The following NTRK1 variants were observed in gnomAD, a reference collection of about 807,000 sequenced individuals.
NTRK1 encodes neurotrophic receptor tyrosine kinase 1.
Under a neutral mutation model 86.8 loss-of-function variants are expected in NTRK1, and 62 were observed. The ratio of observed to expected loss-of-function variants is 0.71; its 90% CI spans 0.58 to 0.88. The LOEUF (loss-of-function observed/expected upper bound fraction) is 0.88. NTRK1 is among the 40% of genes least tolerant of loss of function. The pLI is 0.00. For synonymous variants in NTRK1, 469 were observed against 456.6 expected, an observed-to-expected ratio of 1.03 and a Z score of -0.35; for missense variants, 967 against 1,078.4, an observed-to-expected ratio of 0.90 and a Z score of 1.45.
At chr1:156,879,410 A>T (rs2102925585) in intron 15 of NTRK1, 48 bp downstream of exon 15, 1 of 1,568,470 alleles carries the variant, frequency 6.4e-7, no homozygotes, top group Non-Finnish European at 8.6e-7. Flanking sequence ...CAAACTGTAG[A>T]CACCCTGGAT....
chr1:156,819,461 T>G (rs1654121959), intron 1 of NTRK1, among the ~76,000 whole-genome samples: 1 of 152,160 alleles, frequency 6.6e-6, no homozygotes, highest in Non-Finnish European at 1.5e-5. Context: ...TTTTGAGAAA[T>G]GTCTATTCAT....
chr1:156,851,437 A>G, intron 2 of NTRK1: 3 of 1,614,122 alleles, frequency 1.9e-6, no homozygotes, highest in Non-Finnish European at 2.5e-6. Context: ...CAGGTTGTCT[A>G]GGGATGGGAA....
In NTRK1 at chr1:156,854,091, T is replaced by G; in HGVS notation, c.51-10263T>G. On this transcript the variant is annotated intron_variant, in intron 2 of 16. Coordinates refer to the NTRK1 transcript ENST00000392302. The surrounding 1 kb of genome is among the most constrained non-coding windows in gnomAD (Gnocchi z 4.2). ...CGCGTCCCGCGGATGACTGCTAGGT[T>G]GGGGAAGAGGTCGCGCAGGCTCTCC... 6.2e-7 allele frequency: 1 copy of G among 1,614,116 alleles called. No homozygotes were observed. Among genetic ancestry groups the G allele is most frequent in the South Asian group, 1.1e-5 (1 of 91,090 alleles).
At position 156,868,542 on chromosome 1, in the gene NTRK1, G is replaced by A. The variant is rs114320051; in HGVS notation, c.612G>A (p.Ser204=). The A allele has an allele frequency of 5.3e-4, 822 of 1,558,648 alleles. 4 individuals carry two copies. The African/African-American group carries it at 7.6e-3, about 14-fold the overall frequency. The stretch of plus-strand genomic sequence containing the variant: ...TGAAGGTCCAGGTGCCCAATGCCTC[G>A]GTGGATGTGGGGGACGACGTGCTGC... ...PTLKVQVPNA[S]VDVGDDVLLR... Residue 204 remains serine (S), a synonymous_variant, in exon 6 of 17, where the codon TCG becomes TCA. Transcript: ENST00000524377.
chr1:156,825,467 C>T lies in NTRK1; in HGVS notation c.-64+9629C>T, dbSNP rs116623723. Reference sequence around the variant, plus strand: ...TCCAATATAGCAAGAATAATATGCACGGTGGATCATACAGATAGAGTTATT... The same window carrying T: ...TCCAATATAGCAAGAATAATATGCATGGTGGATCATACAGATAGAGTTATT... On this transcript the variant is annotated intron_variant, in intron 1 of 16. Transcript: ENST00000392302. 2.3e-3 allele frequency among the ~76,000 whole-genome samples: 348 copies of T among 152,220 alleles called. 4 individuals are homozygous for T. Among genetic ancestry groups the T allele is most frequent in the African/African-American group, 8.1e-3 (336 of 41,534 alleles).
chr1:156,833,015 C>A (rs965356568), intron 1 of NTRK1, among the ~76,000 whole-genome samples: 10 of 152,356 alleles, frequency 6.6e-5, no homozygotes, highest in African/African-American at 2.2e-4. Flanking sequence ...TGGGGCCATA[C>A]AGACACCATC....
In NTRK1 at chr1:156,844,837, G is replaced by A. The variant is rs764703861; in HGVS notation, c.50+2644G>A. ...GGCCACCTTTCCTGGAATACCATCA[G>A]CCTCTCCTGCGGGAAGGGGCATCCA... On this transcript the variant is annotated intron_variant, in intron 2 of 16. Coordinates refer to the NTRK1 transcript ENST00000392302. 4.3e-6 allele frequency: 7 copies of A among 1,613,904 alleles called. No homozygotes were observed. The South Asian group carries it at 6.6e-5, about 15-fold the overall frequency.
intron 14 of NTRK1, among the ~76,000 whole-genome samples, chr1:156,878,476 G>T (rs888865615): frequency 6.6e-6 from 1 of 152,204 alleles, no homozygotes; most frequent in East Asian, 1.9e-4. Flanking sequence ...TTTAACAAAT[G>T]CCTCAACTAA....
In NTRK1 at chr1:156,838,745, C is replaced by T. The variant is rs563937234; in HGVS notation, c.-63-3336C>T. On this transcript the variant is annotated intron_variant, in intron 1 of 16. Coordinates refer to the NTRK1 transcript ENST00000392302. ...ACCTGCCCATCTTTGCAGGTGCAGC[C>T]GCGATGGCATATTTCTGAAGCCCTC... 2.0e-5 allele frequency among the ~76,000 whole-genome samples: 3 copies of T among 152,372 alleles called. No individual in the cohort carries two copies. The South Asian group carries it at 6.2e-4, about 32-fold the overall frequency.
At chr1:156,880,273 C>T in intron 16 of NTRK1, 116 bp downstream of exon 16, 5 of 1,107,936 alleles carry the variant, frequency 4.5e-6, no homozygotes, top group Non-Finnish European at 6.6e-6. Flanking sequence ...TGTTGGGGGG[C>T]CCTTTCCAGC....
chr1:156,880,647 C>T (rs1005467473), intron 16 of NTRK1: 1 of 160,062 alleles, frequency 6.2e-6, no homozygotes, highest in African/African-American at 2.4e-5. Context: ...GCCCCCACCC[C>T]CTGCTTGGCT....
chr1:156,867,024 G>A lies in NTRK1; in HGVS notation c.428+46G>A, dbSNP rs767492284. The stretch of plus-strand genomic sequence containing the variant: ...GGGCAAGAGCACCAAGTGTGTGTGT[G>A]CCTGTGTGCACTTGGGTCTGTTGGA... On this transcript the variant is annotated intron_variant, in intron 4 of 16. Coordinates refer to ENST00000524377, the MANE Select transcript of NTRK1 (RefSeq NM_002529.4). The A allele has an allele frequency of 8.8e-6, 14 of 1,589,926 alleles. No homozygotes were observed. The East Asian group carries it at 2.9e-4, about 33-fold the overall frequency.
intron 1 of NTRK1, among the ~76,000 whole-genome samples, chr1:156,826,219 C>G (rs1571641984): frequency 6.6e-6 from 1 of 150,932 alleles, no homozygotes; most frequent in Non-Finnish European, 1.5e-5. Flanking sequence ...CTGAGAAGAC[C>G]CTTTTCAAAC....
At chr1:156,830,988 C>A (rs1315995207) in intron 1 of NTRK1, among the ~76,000 whole-genome samples, 1 of 152,214 alleles carries the variant, frequency 6.6e-6, no homozygotes, top group African/African-American at 2.4e-5. Flanking sequence ...CTGACTAGGG[C>A]TGAGGGTCAG....
At chr1:156,834,309 T>G (rs1316347725) in intron 1 of NTRK1, among the ~76,000 whole-genome samples, 2 of 151,964 alleles carry the variant, frequency 1.3e-5, no homozygotes, top group Admixed American at 6.6e-5. Context: ...AGCTGGCAGA[T>G]AGGGAAGAGT....
chr1:156,831,107 G>C (rs1289939074), intron 1 of NTRK1, among the ~76,000 whole-genome samples: 1 of 152,196 alleles, frequency 6.6e-6, no homozygotes, highest in African/African-American at 2.4e-5. Flanking sequence ...TTACGTCCTA[G>C]AGAGGAGGGG....
Position 156,864,530 on chromosome 1 carries a change from G to A in NTRK1, c.287+102G>A. On this transcript the variant is annotated intron_variant, in intron 2 of 16. Transcript: ENST00000524377. ...CATCCGAGGGCCTGGGAGGACCTGA[G>A]AGGCTGAGCACTGAGGGACTGGGAG... The A allele has an allele frequency of 6.9e-6, 9 of 1,304,156 alleles. No homozygotes were observed. The South Asian group carries it at 1.1e-4, about 16-fold the overall frequency. The allele number at this position is 1,304,156 out of a possible 1,614,324, so 80.8% of individuals were successfully genotyped here. A position where few individuals can be genotyped will look rare whatever the true frequency, so the allele number is the denominator to read the frequency against.
At position 156,866,565 on chromosome 1, in the gene NTRK1, G is replaced by A. The variant is rs565878762; in HGVS notation, c.360-345G>A. Among the ~76,000 whole-genome samples, 196 of 152,312 alleles carry A rather than the reference G, an allele frequency of 1.3e-3. 1 individual carries two copies. Among genetic ancestry groups the A allele is most frequent in the Non-Finnish European group, 1.7e-3 (118 of 68,010 alleles). On this transcript the variant is annotated intron_variant, in intron 3 of 16. Transcript: ENST00000524377. ...CTCTGTAGGGAGGGGAGCACAGATG[G>A]ACCCCTTCCCCCAGCTGTGGCCTCA...
rs768967954 is a variant in NTRK1 at position 156,816,713 on chromosome 1, G to T, written c.-64+875G>T. ...CTGGGCCAGGGGGAACTCCATGAGGGCAGCCTCACAAGGGATCCCAGAGCA... is the reference window on the plus strand; with the variant it reads ...CTGGGCCAGGGGGAACTCCATGAGGTCAGCCTCACAAGGGATCCCAGAGCA... On this transcript the variant is annotated intron_variant, in intron 1 of 16. Transcript: ENST00000392302. 5 of 1,597,416 alleles carry T rather than the reference G, an allele frequency of 3.1e-6. 1 individual carries two copies. The South Asian group carries it at 4.5e-5, about 14-fold the overall frequency.
Sources: allele counts gnomAD v4.1 joint callset (sites outside exome capture counted in the v4.1 genomes callset), GRCh38; gene constraint gnomAD v4.1.1; non-coding constraint Gnocchi (gnomAD v3.1); transcripts MANE v1.5; gene names NCBI Gene and HGNC (gene_info 2026-07-23, HGNC 2026-07-21).